NALF1: variants seen among roughly 807,000 people sequenced by gnomAD.
The protein encoded by NALF1 is family with sequence similarity 155 member A.
NALF1 carries 3 observed loss-of-function variants against 48.4 expected under a neutral mutation model. The ratio of observed to expected loss-of-function variants is 0.06; its 90% CI spans 0.03 to 0.16. NALF1 has a LOEUF of 0.16. Among genes scored for constraint, NALF1 ranks in the 10% least tolerant of loss-of-function variants. The pLI, the probability that NALF1 is intolerant of heterozygous loss-of-function variation, is 1.00. For missense variants in NALF1, 526 were observed against 571.5 expected, an observed-to-expected ratio of 0.92 and a Z score of 0.81; for synonymous variants, 262 against 245.7, an observed-to-expected ratio of 1.07 and a Z score of -0.62.
At chr13:107,511,124 G>C (rs979455713) in intron 1 of NALF1, among the ~76,000 whole-genome samples, 1 of 152,148 alleles carries the variant, frequency 6.6e-6, no homozygotes, top group Admixed American at 6.6e-5. Context: ...CAGAAAGAAG[G>C]CTGTTCACAG....
chr13:107,793,070 T>A lies in NALF1; in HGVS notation c.915+72612A>T, dbSNP rs545238712. 2.0e-5 allele frequency among the ~76,000 whole-genome samples: 3 copies of A among 152,294 alleles called. No individual in the cohort carries two copies. In the South Asian group the frequency reaches 6.2e-4, roughly 32 times the overall value. On this transcript the variant is annotated intron_variant, in intron 1 of 2. Coordinates refer to ENST00000375915, the MANE Select transcript of NALF1 (RefSeq NM_001080396.3). ...TACAACCACAAATAAAACCTTTCTT[T>A]TATTTGGTAAGATCCAAAGTATCAT...
intron 1 of NALF1, among the ~76,000 whole-genome samples, chr13:107,431,022 G>A (rs961114304): frequency 3.3e-5 from 5 of 152,030 alleles, no homozygotes; most frequent in African/African-American, 1.2e-4. Context: ...TCTCATTGTG[G>A]TTTTGATTTG....
chr13:107,529,475 T>C (rs950060100), intron 1 of NALF1, among the ~76,000 whole-genome samples: 15 of 152,154 alleles, frequency 9.9e-5, no homozygotes, highest in African/African-American at 1.9e-4. Flanking sequence ...AATTATTTGG[T>C]AATCTTAGAT....
intron 1 of NALF1, among the ~76,000 whole-genome samples, chr13:107,462,538 G>T (rs559713001): frequency 0.066 from 9,993 of 152,274 alleles, 424 homozygotes; most frequent in Middle Eastern, 0.13. Context: ...GTGGTGAAGG[G>T]TCAACTCAGC....
At chr13:107,819,852 T>C (rs1280488268) in intron 1 of NALF1, among the ~76,000 whole-genome samples, 1 of 152,078 alleles carries the variant, frequency 6.6e-6, no homozygotes, top group Non-Finnish European at 1.5e-5. Context: ...ATCTGTACCT[T>C]GTAGTAGCGC....
At chr13:107,464,139 T>C (rs1884962026) in intron 1 of NALF1, among the ~76,000 whole-genome samples, 2 of 152,178 alleles carry the variant, frequency 1.3e-5, no homozygotes, top group African/African-American at 4.8e-5. Context: ...TCCCAAGCTA[T>C]GTTACCTTTG....
At chr13:107,530,951 T>C (rs530491690) in intron 1 of NALF1, among the ~76,000 whole-genome samples, 4 of 152,126 alleles carry the variant, frequency 2.6e-5, no homozygotes, top group African/African-American at 9.6e-5. Flanking sequence ...ATTTTAGTTA[T>C]GTAAAAACTG....
At chr13:107,573,683 T>TC (rs1555309796) in intron 1 of NALF1, among the ~76,000 whole-genome samples, 1 of 151,872 alleles carries the variant, frequency 6.6e-6, no homozygotes, top group Non-Finnish European at 1.5e-5. Flanking sequence ...CCACATGTCA[T>TC]GGGGGGGACC....
Position 107,638,441 on chromosome 13 carries a change from A to T in NALF1, c.915+227241T>A, listed in dbSNP as rs115343041. Among the ~76,000 whole-genome samples, 770 of 152,018 alleles carry T rather than the reference A, an allele frequency of 5.1e-3. 7 individuals are homozygous for T. The highest frequency in any genetic ancestry group is 0.017 in the African/African-American group (722 of 41,500). ...TTCAACAAGTATTTATTGCATGCTG[A>T]CTATATGCTGGACACCACTCAAGGT... On this transcript the variant is annotated intron_variant, in intron 1 of 2. Coordinates refer to ENST00000375915, the MANE Select transcript of NALF1 (RefSeq NM_001080396.3).
chr13:107,689,408 A>G (rs575920510), intron 1 of NALF1, among the ~76,000 whole-genome samples: 1 of 152,288 alleles, frequency 6.6e-6, no homozygotes, highest in African/African-American at 2.4e-5. Context: ...CTAGTAAATC[A>G]AGAATCACAC....
At chr13:107,447,374 C>T (rs1040522503) in intron 1 of NALF1, among the ~76,000 whole-genome samples, 3 of 152,170 alleles carry the variant, frequency 2.0e-5, no homozygotes, top group Admixed American at 2.0e-4. Flanking sequence ...TTGTTACATT[C>T]TTAATTCCAT....
At chr13:107,537,250 AG>A (rs1876854004) in intron 1 of NALF1, among the ~76,000 whole-genome samples, 2 of 151,966 alleles carry the variant, frequency 1.3e-5, no homozygotes, top group South Asian at 4.1e-4. Context: ...TTAAAAAAAA[AG>A]GGAGTGTTTC....
rs1566421102 is a variant in NALF1, at chr13:107,628,254, G to C, written c.915+237428C>G. On this transcript the variant is annotated intron_variant, in intron 1 of 2. Transcript: ENST00000375915. ...GTCAAGATGCATGATCTGGTCATTC[G>C]GTGTTATAAATTAAATGGCACTTCC... Among the ~76,000 whole-genome samples, 3 of 152,026 alleles carry C rather than the reference G, an allele frequency of 2.0e-5. No individual in the cohort carries two copies. In the East Asian group the frequency reaches 5.8e-4, roughly 29 times the overall value.
intron 1 of NALF1, among the ~76,000 whole-genome samples, chr13:107,237,308 G>T (rs920895091): frequency 6.6e-6 from 1 of 151,988 alleles, no homozygotes; most frequent in Non-Finnish European, 1.5e-5. Context: ...ATATAATAAC[G>T]TAGAACATTA....
At chr13:107,799,996 T>A (rs1413757920) in intron 1 of NALF1, among the ~76,000 whole-genome samples, 1 of 147,258 alleles carries the variant, frequency 6.8e-6, no homozygotes, top group Non-Finnish European at 1.5e-5. Flanking sequence ...AAAACAAGGA[T>A]GAAGAAAAGG....
chr13:107,771,861 G>A (rs1877586423), intron 1 of NALF1, among the ~76,000 whole-genome samples: 1 of 151,888 alleles, frequency 6.6e-6, no homozygotes. Flanking sequence ...CTCAGCCTCT[G>A]GAGTAGTTGG....
At chr13:107,222,260 A>G (rs1421635953) in intron 1 of NALF1, among the ~76,000 whole-genome samples, 2 of 152,316 alleles carry the variant, frequency 1.3e-5, no homozygotes, top group South Asian at 2.1e-4. Flanking sequence ...GTGGCTTACT[A>G]TTCCCCATAG....
chr13:107,718,901 G>C (rs183518573), intron 1 of NALF1, among the ~76,000 whole-genome samples: 37 of 152,274 alleles, frequency 2.4e-4, no homozygotes, highest in Admixed American at 9.1e-4. Flanking sequence ...TACTGCATTG[G>C]ACCAGGCAGA....
intron 1 of NALF1, among the ~76,000 whole-genome samples, chr13:107,285,470 C>A (rs918727802): frequency 6.6e-6 from 1 of 152,170 alleles, no homozygotes; most frequent in African/African-American, 2.4e-5. Context: ...GTAGCTAATG[C>A]ATTTTTTCAC....
Sources: gnomAD v4.1 joint callset for allele counts (sites outside exome capture counted in the v4.1 genomes callset) on GRCh38, gnomAD v4.1.1 for gene constraint, MANE v1.5 for transcripts, NCBI Gene and HGNC (gene_info 2026-07-23, HGNC 2026-07-21) for gene names.